The following CNTN3 variants were observed in gnomAD, a reference collection of about 807,000 sequenced individuals.
CNTN3 encodes the protein contactin 3.
Under a neutral mutation model 119.1 loss-of-function variants are expected in CNTN3, and 60 were observed. The observed-to-expected ratio is 0.50, with a 90% confidence interval of 0.41 to 0.62. CNTN3 has a LOEUF of 0.62. CNTN3 is among the 20% of genes least tolerant of loss of function. The pLI is 0.00. For missense variants in CNTN3, 1,101 were observed against 1,242.4 expected (o/e 0.89, Z 1.71); for synonymous variants, 450 against 438.7 (o/e 1.03, Z -0.32).
rs59223804 is a variant in CNTN3 at position 74,366,780 on chromosome 3, G to GTATATATATATATATATATATATATA, written c.947-1104_947-1079dup. The stretch of plus-strand genomic sequence containing the variant: ...TGTGCGTGTGTGTGTGTGTGTGTGT[G>GTATATATATATATATATATATATATA]TATATATATATATATATATATATAT... On this transcript the variant is annotated intron_variant, in intron 8 of 22. Coordinates refer to ENST00000263665, the MANE Select transcript of CNTN3 (RefSeq NM_020872.3). 6.4e-4 allele frequency among the ~76,000 whole-genome samples: 41 copies of GTATATATATATATATATATATATATA among 63,680 alleles called. 1 individual carries two copies. Among genetic ancestry groups the GTATATATATATATATATATATATATA allele is most frequent in the Non-Finnish European group, 8.8e-4 (33 of 37,572 alleles). 41.8% of individuals were successfully genotyped at this position (63,680 alleles called of 152,430 possible). A position where few individuals can be genotyped will look rare whatever the true frequency, so the allele number is the denominator to read the frequency against.
rs1003723659 is a variant in CNTN3, at chr3:74,451,516, T to G, written c.359-26576A>C. On this transcript the variant is annotated intron_variant, in intron 4 of 22. Coordinates refer to ENST00000263665, the MANE Select transcript of CNTN3 (RefSeq NM_020872.3). ...TTTGCCGTGCAGAAGCTCTTTAGTTTAATTAGATCCCATTTGTCAATTTTG... is the reference window on the plus strand; with the variant it reads ...TTTGCCGTGCAGAAGCTCTTTAGTTGAATTAGATCCCATTTGTCAATTTTG... 2.0e-4 allele frequency among the ~76,000 whole-genome samples: 31 copies of G among 152,140 alleles called. No homozygotes were observed. In the East Asian group the frequency reaches 2.1e-3, roughly 10 times the overall value.
intron 1 of CNTN3, among the ~76,000 whole-genome samples, chr3:74,589,452 A>G (rs1169328671): frequency 6.8e-6 from 1 of 147,264 alleles, no homozygotes; most frequent in Non-Finnish European, 1.5e-5. Flanking sequence ...AAAAGTCAGG[A>G]AACAACAGGT....
chr3:74,503,388 T>C (rs6549610), intron 2 of CNTN3, among the ~76,000 whole-genome samples: 142,828 of 152,156 alleles, frequency 0.94, 67,059 homozygotes, highest in Middle Eastern at 0.98. Flanking sequence ...TGGGAGCCTC[T>C]GACGCCTCTT....
In CNTN3 at chr3:74,478,560, C is replaced by T. The variant is rs188503940; in HGVS notation, c.358+7896G>A. Among the ~76,000 whole-genome samples, 25 of 152,194 alleles carry T rather than the reference C, an allele frequency of 1.6e-4. No individual in the cohort carries two copies. The East Asian group carries it at 4.8e-3, about 29-fold the overall frequency. ...AGGTTTCTGCCCTCAAGGAAGAAAA[C>T]TGGATTTCTTTCCCCTCTGGGGAAT... On this transcript the variant is annotated intron_variant, in intron 4 of 22. Transcript: ENST00000263665.
At chr3:74,462,875 A>C (rs1453354131) in intron 4 of CNTN3, among the ~76,000 whole-genome samples, 1 of 152,168 alleles carries the variant, frequency 6.6e-6, no homozygotes, top group East Asian at 1.9e-4. Context: ...ATGCAGAAAC[A>C]ATCAGCATCT....
At chr3:74,395,939 T>C (rs958487418) in intron 5 of CNTN3, among the ~76,000 whole-genome samples, 4 of 152,200 alleles carry the variant, frequency 2.6e-5, no homozygotes, top group Non-Finnish European at 4.4e-5. Context: ...TTATCAGTGA[T>C]CTTTGATGTT....
intron 17 of CNTN3, among the ~76,000 whole-genome samples, 165 bp from the exon 18 acceptor site, chr3:74,298,356 T>C (rs1358271442): frequency 1.3e-5 from 2 of 152,208 alleles, no homozygotes; most frequent in Non-Finnish European, 2.9e-5. Flanking sequence ...AGGAGAGTCA[T>C]GTCAGCTGCT....
chr3:74,543,373 G>T (rs754582717), intron 1 of CNTN3, among the ~76,000 whole-genome samples: 1 of 152,086 alleles, frequency 6.6e-6, no homozygotes, highest in Non-Finnish European at 1.5e-5. Context: ...TCAAGATAGG[G>T]TTTTGGTATT....
At chr3:74,474,962 G>A in intron 4 of CNTN3, among the ~76,000 whole-genome samples, 1 of 152,088 alleles carries the variant, frequency 6.6e-6, no homozygotes, top group East Asian at 1.9e-4. Flanking sequence ...TAAGTATCCT[G>A]AGATCTCCCC....
intron 4 of CNTN3, among the ~76,000 whole-genome samples, chr3:74,451,491 T>C (rs1702154683): frequency 6.6e-6 from 1 of 152,190 alleles, no homozygotes; most frequent in Admixed American, 6.5e-5. Context: ...GGTAGTTTCT[T>C]TTGCCGTGCA....
At chr3:74,514,554 A>C (rs1703420357) in intron 2 of CNTN3, among the ~76,000 whole-genome samples, 1 of 152,108 alleles carries the variant, frequency 6.6e-6, no homozygotes, top group Non-Finnish European at 1.5e-5. Context: ...ACACTGCTTT[A>C]AAATGATAAG....
At chr3:74,602,224 A>G (rs868860231) in intron 1 of CNTN3, among the ~76,000 whole-genome samples, 1 of 140,724 alleles carries the variant, frequency 7.1e-6, no homozygotes, top group Non-Finnish European at 1.5e-5. Flanking sequence ...TAAGCCTAGG[A>G]GTTCAAGCCT....
chr3:74,544,474 C>A (rs1444785236), intron 1 of CNTN3, among the ~76,000 whole-genome samples: 2 of 152,086 alleles, frequency 1.3e-5, no homozygotes, highest in African/African-American at 2.4e-5. Context: ...TCCCTTGGGG[C>A]ACTTATTTAA....
intron 13 of CNTN3, among the ~76,000 whole-genome samples, chr3:74,316,546 C>T (rs372321227): frequency 1.3e-5 from 2 of 152,208 alleles, no homozygotes; most frequent in East Asian, 3.9e-4. Flanking sequence ...ATATGTTCAC[C>T]ACAGTATTAT....
chr3:74,347,080 A>T (rs903925765), intron 11 of CNTN3, among the ~76,000 whole-genome samples: 2 of 152,226 alleles, frequency 1.3e-5, no homozygotes, highest in Admixed American at 1.3e-4. Flanking sequence ...ATGAGTAAGA[A>T]TTATTCCCAC....
At chr3:74,574,929 T>C (rs1051253135) in intron 1 of CNTN3, among the ~76,000 whole-genome samples, 2 of 151,446 alleles carry the variant, frequency 1.3e-5, no homozygotes, top group Admixed American at 6.6e-5. Flanking sequence ...CATTTTCTTT[T>C]TTTTTTTTTC....
At chr3:74,576,521 C>G (rs1437554811) in intron 1 of CNTN3, among the ~76,000 whole-genome samples, 1 of 151,994 alleles carries the variant, frequency 6.6e-6, no homozygotes, top group Non-Finnish European at 1.5e-5. Context: ...TTTCATAAAT[C>G]AATAAGACTT....
At chr3:74,414,881 T>C (rs1467441747) in intron 5 of CNTN3, among the ~76,000 whole-genome samples, 1 of 148,752 alleles carries the variant, frequency 6.7e-6, no homozygotes. Flanking sequence ...TATAGTCTTT[T>C]TTTTTTTTTT....
chr3:74,470,871 TTGTTG>T (rs1156564394), intron 4 of CNTN3, among the ~76,000 whole-genome samples: 3 of 29,360 alleles, frequency 1.0e-4, no homozygotes, highest in African/African-American at 5.6e-4. Context: ...ATTCGGTTTT[TTGTTG>T]TTGTTGTTGT....
Sources: gnomAD v4.1 joint callset for allele counts (sites outside exome capture counted in the v4.1 genomes callset) on GRCh38, gnomAD v4.1.1 for gene constraint, MANE v1.5 for transcripts, NCBI Gene and HGNC (gene_info 2026-07-23, HGNC 2026-07-21) for gene names.